The following BRWD1 variants were observed in gnomAD, a reference collection of about 807,000 sequenced individuals.
The protein encoded by BRWD1 is bromodomain and WD repeat-containing protein 1.
In BRWD1, 82 loss-of-function variants were observed where a neutral mutation model predicts 251.2. That is an observed-to-expected ratio of 0.33 (90% CI 0.27 to 0.39). The LOEUF (loss-of-function observed/expected upper bound fraction) is 0.39. Among genes scored for constraint, BRWD1 ranks in the 10% least tolerant of loss-of-function variants. The probability of loss-of-function intolerance (pLI) is 1.00; values close to 1 mark genes in which losing one functional copy is unlikely to be tolerated. For synonymous variants in BRWD1, 918 were observed against 902.8 expected (o/e 1.02, Z -0.30); for missense variants, 2,233 against 2,711.6 (o/e 0.82, Z 3.92).
intron 18 of BRWD1, among the ~76,000 whole-genome samples, chr21:39,257,841 T>A (rs1412986539): frequency 1.3e-5 from 2 of 152,124 alleles, no homozygotes; most frequent in Non-Finnish European, 2.9e-5. Context: ...AAAGCAAGTA[T>A]AGTAATATAA....
chr21:39,188,476 A>G lies in BRWD1; in HGVS notation c.*7783T>C, dbSNP rs1273807482. 2.2e-5 allele frequency: 22 copies of G among 985,336 alleles called. No homozygotes were observed. The highest frequency in any genetic ancestry group is 6.1e-5 in the Admixed American group (1 of 16,272). 61.0% of individuals were successfully genotyped at this position (985,336 alleles called of 1,614,324 possible). On this transcript the variant is annotated 3_prime_UTR_variant, in exon 41 of 41. Coordinates refer to ENST00000342449, the MANE Select transcript of BRWD1 (RefSeq NM_033656.4). ...ATGAGAGCTCTTTTAGTCAGATACT[A>G]TCAAGTAACACTATTATTCTGTAGC...
chr21:39,203,695 C>T (rs1193741697), intron 37 of BRWD1, among the ~76,000 whole-genome samples: 1 of 150,982 alleles, frequency 6.6e-6, no homozygotes, highest in Non-Finnish European at 1.5e-5. Flanking sequence ...GCGTGAGCCA[C>T]CGCGCCCAGC....
intron 21 of BRWD1, among the ~76,000 whole-genome samples, chr21:39,240,583 A>G (rs986070775): frequency 6.6e-6 from 1 of 152,246 alleles, no homozygotes; most frequent in Non-Finnish European, 1.5e-5. Flanking sequence ...TCACTGTAGC[A>G]TTATTTATAA....
chr21:39,219,902 G>A (rs2033104999), intron 29 of BRWD1: 1 of 152,198 alleles, frequency 6.6e-6, no homozygotes. Context: ...GAAGAGGGCA[G>A]AGACATCCCA....
intron 31 of BRWD1, chr21:39,216,788 T>G (rs1012602242): frequency 3.3e-6 from 1 of 298,992 alleles, no homozygotes; most frequent in Non-Finnish European, 6.5e-6. Context: ...AGAAATATAT[T>G]TTTTTTAACT....
In BRWD1 at chr21:39,313,614, C is replaced by T. The variant is rs574602579; in HGVS notation, c.-123G>A. 2.2e-5 allele frequency: 17 copies of T among 785,232 alleles called. No individual in the cohort carries two copies. In the East Asian group the frequency reaches 5.7e-4, roughly 26 times the overall value. 48.6% of individuals were successfully genotyped at this position (785,232 alleles called of 1,614,324 possible). On this transcript the variant is annotated 5_prime_UTR_variant, in exon 1 of 41. An upstream start codon of the reference 5' UTR is lost. Coordinates refer to ENST00000342449, the MANE Select transcript of BRWD1 (RefSeq NM_033656.4). Reference sequence around the variant, plus strand: ...GCGCCGCCGCCGCCGCCGCCGCCGCCATACCGTGCGCGCCGCCTGGACCGA... The same window carrying T: ...GCGCCGCCGCCGCCGCCGCCGCCGCTATACCGTGCGCGCCGCCTGGACCGA...
At chr21:39,296,525 G>C (rs2035965989) in intron 5 of BRWD1, 162 bp from the exon 6 acceptor site, 1 of 1,244,724 alleles carries the variant, frequency 8.0e-7, no homozygotes, top group Non-Finnish European at 1.0e-6. Flanking sequence ...TATTTCTGAA[G>C]AAAAAGAAAA....
intron 4 of BRWD1, among the ~76,000 whole-genome samples, chr21:39,307,136 G>T (rs2036312724): frequency 6.6e-6 from 1 of 152,254 alleles, no homozygotes; most frequent in South Asian, 2.1e-4. Flanking sequence ...TGACAGGTGT[G>T]AGCCACTGAG....
chr21:39,228,481 TTAGTAAGGA>T lies in BRWD1; in HGVS notation c.3208+10_3208+18del, dbSNP rs772934891. The stretch of plus-strand genomic sequence containing the variant: ...ATTAATTTTTAAGGGTATATAAAAC[TTAGTAAGGA>T]TAGACTTACAAGACTGCCAATTCCT... On this transcript the variant is annotated intron_variant, in intron 27 of 40. Coordinates refer to ENST00000342449, the MANE Select transcript of BRWD1 (RefSeq NM_033656.4). The T allele has an allele frequency of 5.7e-6, 9 of 1,573,414 alleles. No individual in the cohort carries two copies. In the East Asian group the frequency reaches 1.8e-4, roughly 31 times the overall value.
At chr21:39,305,846 G>A (rs1265885018) in intron 4 of BRWD1, among the ~76,000 whole-genome samples, 13 of 140,662 alleles carry the variant, frequency 9.2e-5, no homozygotes, top group African/African-American at 3.2e-4. Context: ...CCTGGCGACG[G>A]TGCAAGACTG....
chr21:39,216,021 A>G (rs970826534), intron 31 of BRWD1, among the ~76,000 whole-genome samples: 1 of 152,030 alleles, frequency 6.6e-6, no homozygotes, highest in Non-Finnish European at 1.5e-5. Flanking sequence ...AAAACAAACA[A>G]AAACTAAGAG....
intron 18 of BRWD1, 72 bp downstream of exon 18, chr21:39,258,415 G>C: frequency 7.8e-7 from 1 of 1,287,742 alleles, no homozygotes; most frequent in Non-Finnish European, 1.0e-6. Flanking sequence ...ACATGTACCT[G>C]ACAAAGACTT....
chr21:39,290,063 T>C (rs1401016389), intron 8 of BRWD1, among the ~76,000 whole-genome samples: 1 of 151,954 alleles, frequency 6.6e-6, no homozygotes, highest in Non-Finnish European at 1.5e-5. Flanking sequence ...AGTCTTCTTA[T>C]TAGTCCTCTA....
intron 13 of BRWD1, among the ~76,000 whole-genome samples, chr21:39,273,509 G>A (rs2035183611): frequency 1.3e-5 from 2 of 152,178 alleles, no homozygotes; most frequent in South Asian, 2.1e-4. Flanking sequence ...TTGGGAGGCA[G>A]AGGCAAGAGG....
intron 21 of BRWD1, among the ~76,000 whole-genome samples, chr21:39,246,849 G>A (rs958092082): frequency 1.3e-5 from 2 of 152,192 alleles, no homozygotes; most frequent in Non-Finnish European, 2.9e-5. Context: ...CTGGGAGGCC[G>A]AGGCAGGTGG....
chr21:39,294,649 C>T (rs1257977847), intron 7 of BRWD1, among the ~76,000 whole-genome samples: 3 of 129,286 alleles, frequency 2.3e-5, no homozygotes, highest in Admixed American at 1.6e-4. Flanking sequence ...AGTGAGACTC[C>T]GTCTCAAAAA....
Position 39,197,424 on chromosome 21 carries a change from T to TA in BRWD1, c.5654-10dup, listed in dbSNP as rs1296712386. 2 of 1,538,798 alleles carry TA rather than the reference T, an allele frequency of 1.3e-6. No homozygotes were observed. Among genetic ancestry groups the TA allele is most frequent in the African/African-American group, 1.4e-5 (1 of 71,820 alleles). ...GTCTTGTGATGCAGAATCTAAAAGT[T>TA]AAAGAGCAGATTTCTATTAATCTTT... is the stretch of plus-strand genomic sequence containing the variant. On this transcript the variant is annotated splice_polypyrimidine_tract_variant and intron_variant, in intron 40 of 40. Transcript: ENST00000342449.
chr21:39,313,555 C>A lies in BRWD1; in HGVS notation c.-64G>T. 1 of 1,260,148 alleles carries A rather than the reference C, an allele frequency of 7.9e-7. No individual in the cohort carries two copies. The highest frequency in any genetic ancestry group is 1.0e-6 in the Non-Finnish European group (1 of 997,926). 78.1% of individuals were successfully genotyped at this position (1,260,148 alleles called of 1,614,324 possible). A position where few individuals can be genotyped will look rare whatever the true frequency, so the allele number is the denominator to read the frequency against. On this transcript the variant is annotated 5_prime_UTR_variant, in exon 1 of 41. Transcript: ENST00000342449. ...GCGGAGCGTGTAGGCCGCGCCGAGG[C>A]CTGACCGGGCTGGCGTCCCCTCTTC...
At chr21:39,295,982 T>A in intron 6 of BRWD1, 79 bp from the exon 7 acceptor site, 1 of 1,244,914 alleles carries the variant, frequency 8.0e-7, no homozygotes, top group Non-Finnish European at 1.1e-6. Flanking sequence ...TAACAATTTC[T>A]AGAGGGTCAC....
Sources: allele counts gnomAD v4.1 joint callset (sites outside exome capture counted in the v4.1 genomes callset), GRCh38; gene constraint gnomAD v4.1.1; transcripts MANE v1.5; gene names NCBI Gene and HGNC (gene_info 2026-07-23, HGNC 2026-07-21).